The following INTS8 variants were observed in gnomAD, a reference collection of about 807,000 sequenced individuals.
The protein encoded by INTS8 is protein kaonashi-1.
A neutral mutation model predicts 138.9 loss-of-function variants in INTS8; 47 were observed. The observed-to-expected ratio is 0.34, with a 90% CI of 0.27 to 0.43. The LOEUF (loss-of-function observed/expected upper bound fraction) is 0.43. Among genes scored for constraint, INTS8 ranks in the 20% least tolerant of loss-of-function variants. INTS8 has a pLI of 1.00. For missense variants in INTS8, 996 were observed against 1,173.0 expected (o/e 0.85, Z 2.20); for synonymous variants, 392 against 400.9 (o/e 0.98, Z 0.27).
At chr8:94,872,634 T>C (rs1270065761) in intron 21 of INTS8, among the ~76,000 whole-genome samples, 1 of 152,198 alleles carries the variant, frequency 6.6e-6, no homozygotes, top group Non-Finnish European at 1.5e-5. Flanking sequence ...TTGATCATTA[T>C]TTTTATTCTT....
intron 2 of INTS8, among the ~76,000 whole-genome samples, chr8:94,825,721 C>A (rs59780505): frequency 0.026 from 3,990 of 152,078 alleles, 155 homozygotes; most frequent in African/African-American, 0.09. Context: ...TAATTTCAAG[C>A]CTTTTATTAG....
intron 10 of INTS8, among the ~76,000 whole-genome samples, chr8:94,846,379 A>G (rs915412092): frequency 6.6e-6 from 1 of 152,102 alleles, no homozygotes; most frequent in Admixed American, 6.5e-5. Context: ...GGTTCAAGTA[A>G]TTCTCCTGCC....
chr8:94,875,790 C>CT (rs1311738701), intron 23 of INTS8, among the ~76,000 whole-genome samples: 1 of 152,122 alleles, frequency 6.6e-6, no homozygotes, highest in Non-Finnish European at 1.5e-5. Context: ...TGTCATGACA[C>CT]TTTTGCTTGG....
At chr8:94,865,802 A>T (rs1002221070) in intron 17 of INTS8, 112 bp downstream of exon 17, 3 of 1,014,330 alleles carry the variant, frequency 3.0e-6, no homozygotes, top group Non-Finnish European at 2.9e-6. Context: ...TATTCTGTAT[A>T]TCATAAAGTT....
chr8:94,846,635 G>A (rs1815343002), intron 10 of INTS8, among the ~76,000 whole-genome samples: 4 of 152,114 alleles, frequency 2.6e-5, no homozygotes. Flanking sequence ...GTAGAAGTGG[G>A]AATAGAGAAC....
intron 26 of INTS8, 22 bp from the exon 27 acceptor site, chr8:94,880,096 C>T: frequency 2.6e-6 from 4 of 1,535,154 alleles, no homozygotes. Context: ...CCTCTAATAA[C>T]ATCACTTTTC....
chr8:94,853,632 C>T (rs1050149611), intron 13 of INTS8, among the ~76,000 whole-genome samples, 173 bp from the exon 14 acceptor site: 3 of 151,974 alleles, frequency 2.0e-5, no homozygotes, highest in Admixed American at 6.5e-5. Flanking sequence ...TTGATTGTAG[C>T]GAATGTGTTC....
At chr8:94,831,610 T>TA (rs1350469251) in intron 5 of INTS8, among the ~76,000 whole-genome samples, 8 of 151,888 alleles carry the variant, frequency 5.3e-5, no homozygotes, top group African/African-American at 1.9e-4. Flanking sequence ...GCTTCCTGAG[T>TA]AGCTGGGATT....
intron 26 of INTS8, 70 bp downstream of exon 26, chr8:94,876,559 C>A: frequency 1.0e-6 from 1 of 963,318 alleles, no homozygotes; most frequent in Non-Finnish European, 1.5e-6. Context: ...AGATGTGAAC[C>A]AACAAAAAAT....
intron 2 of INTS8, among the ~76,000 whole-genome samples, chr8:94,826,285 AT>A (rs1311945370): frequency 1.3e-3 from 187 of 146,552 alleles, no homozygotes; most frequent in East Asian, 2.4e-3. Context: ...TTTAAAGTGA[AT>A]TTTTTTTTTT....
intron 12 of INTS8, among the ~76,000 whole-genome samples, chr8:94,850,448 T>TAAAAATACA (rs1188607104): frequency 6.6e-6 from 1 of 151,906 alleles, no homozygotes; most frequent in Non-Finnish European, 1.5e-5. Flanking sequence ...CCGCCTCTAC[T>TAAAAATACA]AAAAATACAA....
At position 94,836,610 on chromosome 8, in the gene INTS8, A is replaced by G. The variant is rs747968129; in HGVS notation, c.840A>G (p.Arg280=). Residue 280 remains arginine (R), a synonymous_variant, in exon 7 of 27, where the codon AGA becomes AGG. Coordinates refer to ENST00000523731, the MANE Select transcript of INTS8 (RefSeq NM_017864.4). ...VYENAREKFF[R]TKELIAEIGS... ...AAAATGCCAGGGAAAAATTTTTTAG[A>G]ACCAAAGAACTAATTGCAGAGGTAA... is the stretch of plus-strand genomic sequence containing the variant. The G allele has an allele frequency of 3.7e-6, 6 of 1,609,008 alleles. No homozygotes were observed. The highest frequency in any genetic ancestry group is 5.1e-6 in the Non-Finnish European group (6 of 1,175,408).
chr8:94,850,501 A>G (rs1815496743), intron 12 of INTS8, among the ~76,000 whole-genome samples: 1 of 151,490 alleles, frequency 6.6e-6, no homozygotes, highest in African/African-American at 2.4e-5. Context: ...AGTCCCAGCT[A>G]CTCTGGAGGC....
intron 16 of INTS8, among the ~76,000 whole-genome samples, chr8:94,860,813 T>G (rs966907455): frequency 6.6e-6 from 1 of 151,920 alleles, no homozygotes; most frequent in Non-Finnish European, 1.5e-5. Context: ...CCCAGCACTT[T>G]GGGAGGCCGA....
Position 94,881,531 on chromosome 8 carries a change from C to CAATCA in INTS8, c.*1299_*1303dup, listed in dbSNP as rs1274057266. 1.7e-5 allele frequency: 20 copies of CAATCA among 1,172,596 alleles called. No individual in the cohort carries two copies. The South Asian group carries it at 2.8e-4, about 16-fold the overall frequency. The allele number at this position is 1,172,596 out of a possible 1,614,324, so 72.6% of individuals were successfully genotyped here. Reference sequence around the variant, plus strand: ...AGTGTAACTTGTGAATTGGCTAGGGCAATCAATCACAGCACTACTTTCTGT... The same window carrying CAATCA: ...AGTGTAACTTGTGAATTGGCTAGGGCAATCAAATCAATCACAGCACTACTTTCTGT... On this transcript the variant is annotated 3_prime_UTR_variant, in exon 27 of 27. Coordinates refer to ENST00000523731, the MANE Select transcript of INTS8 (RefSeq NM_017864.4).
At chr8:94,838,044 CT>C (rs776858651) in intron 7 of INTS8, among the ~76,000 whole-genome samples, 23,919 of 134,144 alleles carry the variant, frequency 0.18, 2,040 homozygotes, top group Middle Eastern at 0.29. Context: ...TTTTTCTTTT[CT>C]TTTTTTTTTT....
rs1464489641 is a variant in INTS8, at chr8:94,849,481, A to G, written c.1280A>G (p.Asn427Ser). The G allele has an allele frequency of 6.4e-7, 1 of 1,554,652 alleles. No homozygotes were observed. The highest frequency in any genetic ancestry group is 8.8e-7 in the Non-Finnish European group (1 of 1,137,648). The change falls in exon 11 of 27, where the codon AAT becomes AGT. Residue 427 changes from asparagine to serine, a missense_variant. By Grantham distance (46) the Asn-to-Ser change is conservative. Transcript: ENST00000523731. ...FLLEVCSRSV[N>S]LEKASESLKG... Reference sequence around the variant, plus strand: ...TCCTAGGTATGTTCAAGATCAGTAAATTTAGAAAAAGCTTCAGAGTCTTTG... The same window carrying G: ...TCCTAGGTATGTTCAAGATCAGTAAGTTTAGAAAAAGCTTCAGAGTCTTTG...
chr8:94,840,439 GA>G (rs1815091446), intron 8 of INTS8, among the ~76,000 whole-genome samples: 1 of 151,896 alleles, frequency 6.6e-6, no homozygotes, highest in African/African-American at 2.4e-5. Flanking sequence ...AAGTAGCTAA[GA>G]AAAAGTCTGT....
rs77694204 is a variant in INTS8 at position 94,841,557 on chromosome 8, G to A, written c.1084G>A (p.Val362Ile). The A allele has an allele frequency of 6.9e-6, 11 of 1,605,232 alleles. No homozygotes were observed. The highest frequency in any genetic ancestry group is 7.7e-6 in the Non-Finnish European group (9 of 1,174,968). ...TTTACCTGTCCAGTTCCGACAGTCA[G>A]TCCTAAGAGAACTCTTTAAGAAAGC... ...LSLPVQFRQS[V>I]LRELFKKAQQ... The change falls in exon 9 of 27, where the codon GTC (valine) becomes ATC (isoleucine). Residue 362 changes from valine to isoleucine, a missense_variant. Val to Ile is a conservative substitution (Grantham distance 29). Transcript: ENST00000523731.
Sources: allele counts gnomAD v4.1 joint callset (sites outside exome capture counted in the v4.1 genomes callset), GRCh38; gene constraint gnomAD v4.1.1; transcripts MANE v1.5; gene names NCBI Gene and HGNC (gene_info 2026-07-23, HGNC 2026-07-21).